TNRC6C: variants seen among roughly 807,000 people sequenced by gnomAD.
TNRC6C encodes the protein trinucleotide repeat-containing gene 6C protein.
TNRC6C carries 20 observed loss-of-function variants against 153.7 expected under a neutral mutation model. That is an observed-to-expected ratio of 0.13 (90% CI 0.09 to 0.19). TNRC6C has a LOEUF of 0.19. Among genes scored for constraint, TNRC6C ranks in the 10% least tolerant of loss-of-function variants. The probability of loss-of-function intolerance (pLI) is 1.00; values close to 1 mark genes in which losing one functional copy is unlikely to be tolerated. For synonymous variants in TNRC6C, 811 were observed against 841.4 expected, an observed-to-expected ratio of 0.96 and a Z score of 0.63; for missense variants, 1,987 against 2,172.0, an observed-to-expected ratio of 0.91 and a Z score of 1.69.
At chr17:78,034,740 G>A (rs769804408) in intron 2 of TNRC6C, among the ~76,000 whole-genome samples, 15 of 152,140 alleles carry the variant, frequency 9.9e-5, no homozygotes, top group African/African-American at 2.9e-4. Flanking sequence ...AGCCCTGGGC[G>A]GGTGAATTGC....
At chr17:77,980,539 ACAAG>A (rs1478114262) in intron 1 of TNRC6C, among the ~76,000 whole-genome samples, 1 of 152,144 alleles carries the variant, frequency 6.6e-6, no homozygotes, top group Admixed American at 6.5e-5. Context: ...CACACATCAA[ACAAG>A]CAAGGAGTTC....
intron 1 of TNRC6C, among the ~76,000 whole-genome samples, chr17:78,021,736 AT>A (rs2071836189): frequency 6.6e-6 from 1 of 152,036 alleles, no homozygotes; most frequent in South Asian, 2.1e-4. Flanking sequence ...TGCCCAGCTA[AT>A]TTTGGTATTT....
At chr17:78,099,574 T>A (rs1011047109) in intron 17 of TNRC6C, among the ~76,000 whole-genome samples, 1 of 152,188 alleles carries the variant, frequency 6.6e-6, no homozygotes, top group African/African-American at 2.4e-5. Flanking sequence ...GAGAACAGCA[T>A]GGAAAAGACC....
chr17:78,103,921 C>T (rs549675335), intron 19 of TNRC6C, among the ~76,000 whole-genome samples: 3 of 152,324 alleles, frequency 2.0e-5, no homozygotes, highest in East Asian at 1.9e-4. Flanking sequence ...CATCTCCAAA[C>T]GTAGTCACAT....
intron 1 of TNRC6C, among the ~76,000 whole-genome samples, chr17:78,006,534 CT>C (rs1567910867): frequency 4.3e-5 from 6 of 140,922 alleles, no homozygotes. Context: ...TCTTCTTCTT[CT>C]TCTTCTTCTT....
At chr17:78,035,151 A>G (rs2072154677) in intron 2 of TNRC6C, among the ~76,000 whole-genome samples, 3 of 152,094 alleles carry the variant, frequency 2.0e-5, no homozygotes, top group South Asian at 2.1e-4. Flanking sequence ...CACCATTCCA[A>G]TGACTTTGTT....
intron 1 of TNRC6C, among the ~76,000 whole-genome samples, chr17:77,980,786 AATT>A (rs1195283277): frequency 2.6e-5 from 4 of 152,126 alleles, no homozygotes; most frequent in Non-Finnish European, 5.9e-5. Context: ...TCAGGGAAAT[AATT>A]ACGTTTACCA....
chr17:77,967,237 C>CA (rs950429480), intron 1 of TNRC6C, among the ~76,000 whole-genome samples: 175 of 151,644 alleles, frequency 1.2e-3, no homozygotes, highest in African/African-American at 3.9e-3. Context: ...TAATGCTTTG[C>CA]AAAAAAAACT....
At position 78,079,763 on chromosome 17, in the gene TNRC6C, T is replaced by C. The variant is rs73999627; in HGVS notation, c.3357+222T>C. 0.014 allele frequency among the ~76,000 whole-genome samples: 2,172 copies of C among 152,302 alleles called. 50 individuals are homozygous for C. The highest frequency in any genetic ancestry group is 0.049 in the African/African-American group (2,036 of 41,536). On this transcript the variant is annotated intron_variant, in intron 10 of 19. Transcript: ENST00000301624. The surrounding 1 kb of genome is among the most constrained non-coding windows in gnomAD (Gnocchi z 4.3). ...CATTTTCAGAGCTTGCTCCTTGGAA[T>C]GCCTCAGCCACCGAAACTAGCATTT...
intron 4 of TNRC6C, 35 bp downstream of exon 6, chr17:78,064,972 A>G (rs2072844976): frequency 6.4e-7 from 1 of 1,564,694 alleles, no homozygotes; most frequent in Non-Finnish European, 8.7e-7. Context: ...TGATCTGGCA[A>G]TTTGGAAATG....
chr17:77,967,409 G>C (rs78677818), intron 1 of TNRC6C, among the ~76,000 whole-genome samples: 5 of 151,954 alleles, frequency 3.3e-5, no homozygotes, highest in African/African-American at 1.2e-4. Flanking sequence ...TGCGGGGGGG[G>C]AGAGAAGATT....
At chr17:78,080,464 G>GA (rs2073160038) in intron 10 of TNRC6C, among the ~76,000 whole-genome samples, 1 of 152,092 alleles carries the variant, frequency 6.6e-6, no homozygotes. Context: ...AGAAAGAAAG[G>GA]AAAAAAGGTC....
chr17:78,032,558 TG>T (rs2072097289), intron 2 of TNRC6C, among the ~76,000 whole-genome samples: 1 of 152,248 alleles, frequency 6.6e-6, no homozygotes, highest in South Asian at 2.1e-4. Context: ...CCATGTTCTC[TG>T]TTAGATTCTT....
chr17:78,093,702 C>A (rs777231965), exon 16 of TNRC6C: 61 of 1,613,854 alleles, frequency 3.8e-5, no homozygotes, highest in Middle Eastern at 1.6e-4. Flanking sequence ...GCAGTGTCCC[C>A]ACTGGGCCTA....
chr17:77,964,569 C>CT (rs1221383314), intron 1 of TNRC6C, among the ~76,000 whole-genome samples: 2 of 152,172 alleles, frequency 1.3e-5, no homozygotes, highest in East Asian at 3.8e-4. Context: ...ATATTGTTTA[C>CT]TTTTTTATTC....
chr17:77,977,406 C>T (rs946923074), intron 1 of TNRC6C, among the ~76,000 whole-genome samples: 5 of 152,036 alleles, frequency 3.3e-5, no homozygotes, highest in African/African-American at 7.3e-5. Flanking sequence ...TTTGCTAGAC[C>T]CCTAATCTCC....
At chr17:77,997,480 G>A (rs1458302445) in intron 1 of TNRC6C, among the ~76,000 whole-genome samples, 2 of 151,914 alleles carry the variant, frequency 1.3e-5, no homozygotes, top group African/African-American at 4.8e-5. Context: ...TGGTCCTCTG[G>A]TTAACAAAGA....
At chr17:78,031,106 T>TAAAA (rs907737702) in intron 1 of TNRC6C, among the ~76,000 whole-genome samples, 4 of 145,032 alleles carry the variant, frequency 2.8e-5, no homozygotes, top group Non-Finnish European at 6.1e-5. Flanking sequence ...GTCTCACACT[T>TAAAA]AAAAAAAAAA....
exon 20 of TNRC6C, chr17:78,105,417 C>T (rs1189361486): frequency 1.3e-5 from 2 of 152,190 alleles, no homozygotes; most frequent in Non-Finnish European, 2.9e-5. Flanking sequence ...TGTTTCATTA[C>T]TTTTTCATGT....
Sources: gnomAD v4.1 joint callset for allele counts (sites outside exome capture counted in the v4.1 genomes callset) on GRCh38, gnomAD v4.1.1 for gene constraint, Gnocchi (gnomAD v3.1) non-coding constraint, MANE v1.5 for transcripts, NCBI Gene and HGNC (gene_info 2026-07-23, HGNC 2026-07-21) for gene names.